The following CFAP99 variants were observed in gnomAD, a reference collection of about 807,000 sequenced individuals.
CFAP99 encodes cilia and flagella associated protein 99, also known as cilia- and flagella-associated protein 99.
A neutral mutation model predicts 82.7 loss-of-function variants in CFAP99; 84 were observed. The ratio of observed to expected loss-of-function variants is 1.02; its 90% confidence interval spans 0.85 to 1.22. The LOEUF (loss-of-function observed/expected upper bound fraction) is 1.22, where lower values mean the gene tolerates loss of function less well. Ranked by LOEUF, CFAP99 falls within the 50% of genes most tolerant of loss-of-function variation. CFAP99 has a pLI of 0.00. For synonymous variants in CFAP99, 456 were observed against 429.5 expected (o/e 1.06, Z -0.76); for missense variants, 1,059 against 983.5 (o/e 1.08, Z -1.03).
chr4:2,449,885 A>T, intron 7 of CFAP99, 49 bp from the exon 8 acceptor site: 10 of 1,534,898 alleles, frequency 6.5e-6, no homozygotes, highest in Non-Finnish European at 8.7e-6. Flanking sequence ...GGCCTGGAGG[A>T]CACTGGGCAG....
chr4:2,444,798 G>C (rs1299799987), intron 5 of CFAP99, among the ~76,000 whole-genome samples: 1 of 152,172 alleles, frequency 6.6e-6, no homozygotes, highest in Non-Finnish European at 1.5e-5. Flanking sequence ...CCTGCATCCT[G>C]GCTACTGCTT....
At chr4:2,454,595 T>TTTTTTTTTTTTTTTTTTTTC (rs1734384944) in intron 11 of CFAP99, among the ~76,000 whole-genome samples, 8 of 107,944 alleles carry the variant, frequency 7.4e-5, no homozygotes, top group Non-Finnish European at 1.1e-4. Flanking sequence ...TTTTTTTTTG[T>TTTTTTTTTTTTTTTTTTTTC]TTTTTTTTTT....
At chr4:2,436,981 C>T (rs1371800158) in exon 3 of CFAP99, 1 of 1,535,958 alleles carries the variant, frequency 6.5e-7, no homozygotes, top group African/African-American at 1.4e-5. Context: ...TGGAGGATGG[C>T]CGACTCTGCC....
chr4:2,460,246 G>A lies in CFAP99; in HGVS notation c.1661+4G>A. 6.5e-7 allele frequency: 1 copy of A among 1,535,956 alleles called. No homozygotes were observed. Among genetic ancestry groups the A allele is most frequent in the Admixed American group, 2.0e-5 (1 of 51,000 alleles). On this transcript the variant is annotated splice_donor_region_variant and intron_variant, in intron 14 of 14. Transcript: ENST00000635017. ...TGGGGAGATCCGCAGCCTTGAGGTT[G>A]GTACTGGGCTCGGGGAGGGTGCCTC...
intron 3 of CFAP99, 90 bp from the exon 4 acceptor site, chr4:2,437,980 T>G: frequency 1.4e-6 from 1 of 734,988 alleles, no homozygotes; most frequent in Non-Finnish European, 2.3e-6. Context: ...CTGCGTGCCC[T>G]GACACGGTGG....
chr4:2,458,616 G>C, intron 11 of CFAP99, 107 bp from the exon 12 acceptor site: 1 of 1,380,068 alleles, frequency 7.2e-7, no homozygotes, highest in Non-Finnish European at 9.6e-7. Context: ...TCAAGGGCAG[G>C]GACTGGGTCC....
chr4:2,457,580 G>C (rs1448469467), intron 11 of CFAP99, among the ~76,000 whole-genome samples: 1 of 152,222 alleles, frequency 6.6e-6, no homozygotes, highest in Non-Finnish European at 1.5e-5. Flanking sequence ...AGTGGAGCCA[G>C]CCAGGCATGT....
intron 4 of CFAP99, among the ~76,000 whole-genome samples, chr4:2,441,488 G>A (rs1560383005): frequency 6.6e-6 from 1 of 152,158 alleles, no homozygotes; most frequent in Non-Finnish European, 1.5e-5. Context: ...CAAAGCGCCA[G>A]CCCAGGACAG....
chr4:2,453,353 C>T (rs11722550), intron 11 of CFAP99, among the ~76,000 whole-genome samples: 30,359 of 152,144 alleles, frequency 0.2, 3,153 homozygotes, highest in South Asian at 0.26. Context: ...TCAGGGTAAA[C>T]TTCTAGAGGA....
intron 7 of CFAP99, 42 bp from the exon 8 acceptor site, chr4:2,449,892 G>A (rs1373835706): frequency 6.5e-7 from 1 of 1,535,280 alleles, no homozygotes. Context: ...AGGACACTGG[G>A]CAGAGGCTGG....
exon 4 of CFAP99, chr4:2,438,073 T>A: frequency 1.3e-6 from 2 of 1,531,258 alleles, no homozygotes; most frequent in Non-Finnish European, 1.8e-6. Flanking sequence ...TTTCTAGTGA[T>A]CTGCTACCTA....
chr4:2,426,919 G>A (rs1438502234), intron 2 of CFAP99: 7 of 295,540 alleles, frequency 2.4e-5, no homozygotes, highest in Admixed American at 8.5e-5. Flanking sequence ...ATCTTATCTC[G>A]GGAAATGGGT....
rs1328717840 is a variant in CFAP99 at position 2,451,439 on chromosome 4, G to T, written c.956+87G>T. On this transcript the variant is annotated intron_variant, in intron 10 of 14. Coordinates refer to ENST00000635017, the Ensembl canonical transcript of CFAP99. ...AGAGGAGGGGCCTGGGGGCTGGGCAGCTCAGTGGAGAGGGACTCGGGGGTC... is the reference window on the plus strand; with the variant it reads ...AGAGGAGGGGCCTGGGGGCTGGGCATCTCAGTGGAGAGGGACTCGGGGGTC... 1.5e-5 allele frequency: 20 copies of T among 1,305,484 alleles called. No homozygotes were observed. In the East Asian group the frequency reaches 5.1e-4, roughly 33 times the overall value. The allele number at this position is 1,305,484 out of a possible 1,614,324, so 80.9% of individuals were successfully genotyped here. A position where few individuals can be genotyped will look rare whatever the true frequency, so the allele number is the denominator to read the frequency against.
At chr4:2,424,707 A>G (rs1366974224) in intron 1 of CFAP99, among the ~76,000 whole-genome samples, 1 of 152,134 alleles carries the variant, frequency 6.6e-6, no homozygotes, top group African/African-American at 2.4e-5. Flanking sequence ...CCTGCATCGC[A>G]GCCTGGAAAT....
intron 13 of CFAP99, among the ~76,000 whole-genome samples, chr4:2,459,606 G>A (rs992692089): frequency 6.6e-6 from 1 of 152,210 alleles, no homozygotes; most frequent in Non-Finnish European, 1.5e-5. Flanking sequence ...AGGCTGGATG[G>A]AGGCTGCATG....
At chr4:2,459,633 AG>A (rs1734564132) in intron 13 of CFAP99, among the ~76,000 whole-genome samples, 1 of 152,154 alleles carries the variant, frequency 6.6e-6, no homozygotes, top group Non-Finnish European at 1.5e-5. Context: ...GAGGTTGAGG[AG>A]GGCCTGCCGG....
At chr4:2,445,140 A>G in exon 6 of CFAP99, 1 of 1,362,828 alleles carries the variant, frequency 7.3e-7, no homozygotes, top group Non-Finnish European at 9.4e-7. Context: ...GATGGCAGCC[A>G]GAGGTCCAGG....
chr4:2,458,608 A>C, intron 11 of CFAP99, 115 bp from the exon 12 acceptor site: 1 of 1,339,136 alleles, frequency 7.5e-7, no homozygotes, highest in Non-Finnish European at 9.9e-7. Flanking sequence ...GGGGTGATTC[A>C]AGGGCAGGGA....
intron 4 of CFAP99, among the ~76,000 whole-genome samples, chr4:2,440,062 G>A (rs549588843): frequency 1.6e-3 from 240 of 151,228 alleles, no homozygotes; most frequent in African/African-American, 5.2e-3. Flanking sequence ...GGCTGGTCTC[G>A]AACTCCTGAC....
Sources: gnomAD v4.1 joint callset for allele counts (sites outside exome capture counted in the v4.1 genomes callset) on GRCh38, gnomAD v4.1.1 for gene constraint, MANE v1.5 for transcripts, NCBI Gene and HGNC (gene_info 2026-07-23, HGNC 2026-07-21) for gene names.